SLC45A3: variants seen among roughly 807,000 people sequenced by gnomAD.
The protein encoded by SLC45A3 is solute carrier family 45 member 3, also known as prostate cancer associated protein 2.
SLC45A3 carries 17 observed loss-of-function variants against 35.3 expected under a neutral mutation model. That is an observed-to-expected ratio of 0.48 (90% CI 0.33 to 0.72). The LOEUF (loss-of-function observed/expected upper bound fraction) is 0.72, where lower values mean the gene tolerates loss of function less well. Among genes scored for constraint, SLC45A3 ranks in the 30% least tolerant of loss-of-function variants. The pLI is 0.02. For synonymous variants in SLC45A3, 288 were observed against 334.3 expected (o/e 0.86, Z 1.51); for missense variants, 597 against 731.7 (o/e 0.82, Z 2.12).
chr1:205,674,706 G>C (rs1277235656), intron 1 of SLC45A3, among the ~76,000 whole-genome samples: 1 of 151,558 alleles, frequency 6.6e-6, no homozygotes, highest in Non-Finnish European at 1.5e-5. Flanking sequence ...CAAAGACCCA[G>C]GGTGAAGTAT....
Position 205,664,501 on chromosome 1 carries a change from G to A in SLC45A3, c.156C>T (p.Phe52=), listed in dbSNP as rs757202845. The A allele has an allele frequency of 1.9e-6, 3 of 1,614,058 alleles. No individual in the cohort carries two copies. The highest frequency in any genetic ancestry group is 1.3e-5 in the African/African-American group (1 of 74,938). Reference sequence around the variant, plus strand: ...GTGACTCACCCAGCACCATGGTCATGAACTTCTCCTCTACCCCCACTTCCA... The same window carrying A: ...GTGACTCACCCAGCACCATGGTCATAAACTTCTCCTCTACCCCCACTTCCA... ...LLLEVGVEEK[F]MTMVLGIGPV... Residue 52 remains phenylalanine, a synonymous_variant, in exon 2 of 5, where the codon TTC becomes TTT. Coordinates refer to ENST00000367145, the MANE Select transcript of SLC45A3 (RefSeq NM_033102.3). The surrounding 1 kb of genome is among the most constrained non-coding windows in gnomAD (Gnocchi z 5.3).
In SLC45A3 at chr1:205,666,514, A is replaced by G. The variant is rs953676763; in HGVS notation, c.-230-1628T>C. 1.3e-5 allele frequency among the ~76,000 whole-genome samples: 2 copies of G among 152,302 alleles called. No individual in the cohort carries two copies. Among genetic ancestry groups the G allele is most frequent in the South Asian group, 2.1e-4 (1 of 4,826 alleles). ...AGAGGGAGACACTGCCTAAAAAAACATCAGATGGCTATCAGTCCTGGGTAA... is the reference window on the plus strand; with the variant it reads ...AGAGGGAGACACTGCCTAAAAAAACGTCAGATGGCTATCAGTCCTGGGTAA... On this transcript the variant is annotated intron_variant, in intron 1 of 4. Transcript: ENST00000367145. The surrounding 1 kb of genome is among the most constrained non-coding windows in gnomAD (Gnocchi z 4.1).
chr1:205,679,685 A>AACACACACAC (rs55762304), intron 1 of SLC45A3, among the ~76,000 whole-genome samples: 7,196 of 138,764 alleles, frequency 0.052, 236 homozygotes, highest in East Asian at 0.07. Context: ...GGGACACAGT[A>AACACACACAC]ACACACACAC....
rs2102404633 is a variant in SLC45A3, at chr1:205,664,825, C to A, written c.-169G>T. The A allele has an allele frequency of 2.1e-6, 3 of 1,431,240 alleles. No individual in the cohort carries two copies. The highest frequency in any genetic ancestry group is 1.4e-5 in the African/African-American group (1 of 69,764). The allele number at this position is 1,431,240 out of a possible 1,614,324, so 88.7% of individuals were successfully genotyped here. On this transcript the variant is annotated 5_prime_UTR_variant, in exon 2 of 5. Coordinates refer to ENST00000367145, the MANE Select transcript of SLC45A3 (RefSeq NM_033102.3). This position sits in a 1 kb window ranked among gnomAD's most constrained non-coding sequence, Gnocchi z 5.3. ...CTTTGGTGCCGGTCCAGCTTCTCAG[C>A]CCATGCTCAACACCTGCTGCTGTGG... is the stretch of plus-strand genomic sequence containing the variant.
chr1:205,674,602 CAAAAAAAAAAAAA>C (rs57508315), intron 1 of SLC45A3, among the ~76,000 whole-genome samples: 7 of 95,452 alleles, frequency 7.3e-5, no homozygotes, highest in South Asian at 4.1e-4. Context: ...GATGCTGTTT[CAAAAAAAAAAAAA>C]AAAAAAAAAA....
chr1:205,665,717 A>C (rs1408703814), intron 1 of SLC45A3, among the ~76,000 whole-genome samples: 1 of 152,080 alleles, frequency 6.6e-6, no homozygotes, highest in Non-Finnish European at 1.5e-5. Context: ...CAGAGAAAGG[A>C]ATTTTTCGGT....
intron 1 of SLC45A3, among the ~76,000 whole-genome samples, chr1:205,675,844 C>T (rs1182796932): frequency 1.3e-5 from 2 of 152,166 alleles, no homozygotes; most frequent in African/African-American, 2.4e-5. Flanking sequence ...CAAGTATCCC[C>T]TCTCCCTGCT....
chr1:205,678,391 T>C (rs997949330), intron 1 of SLC45A3, among the ~76,000 whole-genome samples: 20 of 152,114 alleles, frequency 1.3e-4, no homozygotes, highest in African/African-American at 4.8e-4. Flanking sequence ...GTCCAGATGA[T>C]AGTACTTAAA....
At position 205,662,760 on chromosome 1, in the gene SLC45A3, C is replaced by A; in HGVS notation, c.958+73G>T. On this transcript the variant is annotated intron_variant, in intron 3 of 4. Transcript: ENST00000367145. This position sits in a 1 kb window ranked among gnomAD's most constrained non-coding sequence, Gnocchi z 6.2. ...GGGGCCAGGATGGAGAGGCACCAGC[C>A]CAGACACAGCCCCGAGTGTCGTCTC... The A allele has an allele frequency of 6.6e-7, 1 of 1,512,614 alleles. No individual in the cohort carries two copies. Among genetic ancestry groups the A allele is most frequent in the South Asian group, 1.3e-5 (1 of 74,822 alleles). The allele number at this position is 1,512,614 out of a possible 1,614,324, so 93.7% of individuals were successfully genotyped here. A position where few individuals can be genotyped will look rare whatever the true frequency, so the allele number is the denominator to read the frequency against.
intron 1 of SLC45A3, among the ~76,000 whole-genome samples, chr1:205,667,224 G>C (rs913785786): frequency 1.3e-5 from 2 of 152,046 alleles, no homozygotes; most frequent in Non-Finnish European, 2.9e-5. Flanking sequence ...AAATAAAATA[G>C]GCCAGGTACA....
At position 205,663,396 on chromosome 1, in the gene SLC45A3, A is replaced by G; in HGVS notation, c.395T>C (p.Leu132Pro). The change falls in exon 3 of 5, where the codon CTG (leucine) becomes CCG (proline). Residue 132 changes from leucine (L) to proline (P), a missense_variant. This residue lies in a region of SLC45A3 where 555 missense variants were observed against 664.9 expected (regional missense o/e 0.83). Coordinates refer to ENST00000367145, the MANE Select transcript of SLC45A3 (RefSeq NM_033102.3). Reference sequence around the variant, plus strand: ...GAAGCACACCTGGCCACAGAAGTCCAGCAGCCCCACGCCCAGGATGAGCAG... The same window carrying G: ...GAAGCACACCTGGCCACAGAAGTCCGGCAGCCCCACGCCCAGGATGAGCAG... ...LALLILGVGL[L>P]DFCGQVCFTP... The G allele has an allele frequency of 6.2e-7, 1 of 1,613,322 alleles. No individual in the cohort carries two copies. The highest frequency in any genetic ancestry group is 8.5e-7 in the Non-Finnish European group (1 of 1,179,970).
intron 1 of SLC45A3, among the ~76,000 whole-genome samples, chr1:205,672,246 C>A (rs992820386): frequency 2.0e-5 from 3 of 152,086 alleles, no homozygotes; most frequent in African/African-American, 7.2e-5. Flanking sequence ...ACCACACCAG[C>A]GCCTCTTTCA....
intron 1 of SLC45A3, among the ~76,000 whole-genome samples, chr1:205,677,825 T>C (rs1216324012): frequency 6.6e-6 from 1 of 152,368 alleles, no homozygotes; most frequent in East Asian, 1.9e-4. Flanking sequence ...ATATACAATA[T>C]TTAATAAAGC....
rs57508315 is a variant in SLC45A3, at chr1:205,674,602, C to CAA, written c.-231+5790_-231+5791dup. 8.4e-5 allele frequency among the ~76,000 whole-genome samples: 8 copies of CAA among 95,442 alleles called. No homozygotes were observed. In the East Asian group the frequency reaches 1.4e-3, roughly 17 times the overall value. The allele number at this position is 95,442 out of a possible 152,430, so 62.6% of individuals were successfully genotyped here. A position where few individuals can be genotyped will look rare whatever the true frequency, so the allele number is the denominator to read the frequency against. On this transcript the variant is annotated intron_variant, in intron 1 of 4. Transcript: ENST00000367145. ...ATGCCATCCAAAATTGATGCTGTTT[C>CAA]AAAAAAAAAAAAAAAAAAAAAAAAA...
intron 1 of SLC45A3, among the ~76,000 whole-genome samples, chr1:205,674,029 A>G (rs2102409427): frequency 6.6e-6 from 1 of 152,326 alleles, no homozygotes; most frequent in Non-Finnish European, 1.5e-5. Context: ...GGCAAAAGGG[A>G]TAAAATGCAA....
In SLC45A3 at chr1:205,659,701, G is replaced by C; in HGVS notation, c.1225-30C>G. ...GGCAGAGGGGTGAAGAAAAGGGGAA[G>C]AGGACAGGTGTGTACCCAGCACTGG... On this transcript the variant is annotated intron_variant, in intron 4 of 4. Transcript: ENST00000367145. The surrounding 1 kb of genome is among the most constrained non-coding windows in gnomAD (Gnocchi z 5.8). The C allele has an allele frequency of 6.6e-7, 1 of 1,515,254 alleles. No individual in the cohort carries two copies. The highest frequency in any genetic ancestry group is 8.8e-7 in the Non-Finnish European group (1 of 1,132,866). The allele number at this position is 1,515,254 out of a possible 1,614,324, so 93.9% of individuals were successfully genotyped here.
In SLC45A3 at chr1:205,662,818, C is replaced by A. The variant is rs746417276; in HGVS notation, c.958+15G>T. On this transcript the variant is annotated intron_variant, in intron 3 of 4. Transcript: ENST00000367145. This position sits in a 1 kb window ranked among gnomAD's most constrained non-coding sequence, Gnocchi z 6.2. ...CGGCTCCCACACCAGCCTCTGCTGG[C>A]TGCCAAGGCCTTACCTTCATCATAG... 6.4e-7 allele frequency: 1 copy of A among 1,557,044 alleles called. No individual in the cohort carries two copies. Among genetic ancestry groups the A allele is most frequent in the South Asian group, 1.2e-5 (1 of 83,402 alleles).
chr1:205,658,126 A>AC lies in SLC45A3; in HGVS notation c.*1107_*1108insG. 4.4e-6 allele frequency: 1 copy of AC among 225,840 alleles called. No homozygotes were observed. Among genetic ancestry groups the AC allele is most frequent in the Non-Finnish European group, 8.7e-6 (1 of 114,966 alleles). 14.0% of individuals were successfully genotyped at this position (225,840 alleles called of 1,614,324 possible). ...GTGCTTCTGGTCCTGCAGTAGCTCC[A>AC]AACAGGGTTGTGGAGCTGGTGGGGA... is the stretch of plus-strand genomic sequence containing the variant. On this transcript the variant is annotated 3_prime_UTR_variant, in exon 5 of 5. Coordinates refer to ENST00000367145, the MANE Select transcript of SLC45A3 (RefSeq NM_033102.3).
rs1007383998 is a variant in SLC45A3, at chr1:205,662,080, G to A, written c.1005C>T (p.Ser335=). ...SLGLFLQCAI[S]LVFSLVMDRL... ...GGTCCATGACCAGAGAGAAGACCAG[G>A]GAGATGGCGCACTGCAGGAACAGCC... is the stretch of plus-strand genomic sequence containing the variant. Residue 335 remains serine (S), a synonymous_variant, in exon 4 of 5, where the codon TCC becomes TCT. Coordinates refer to ENST00000367145, the MANE Select transcript of SLC45A3 (RefSeq NM_033102.3). The surrounding 1 kb of genome is among the most constrained non-coding windows in gnomAD (Gnocchi z 6.2). The A allele has an allele frequency of 3.7e-6, 6 of 1,613,972 alleles. No individual in the cohort carries two copies. Among genetic ancestry groups the A allele is most frequent in the Non-Finnish European group, 5.1e-6 (6 of 1,180,022 alleles).
Sources: gnomAD v4.1 joint callset for allele counts (sites outside exome capture counted in the v4.1 genomes callset) on GRCh38, gnomAD v4.1.1 for gene constraint, gnomAD v4.1.1 regional missense constraint, Gnocchi (gnomAD v3.1) non-coding constraint, MANE v1.5 for transcripts, NCBI Gene and HGNC (gene_info 2026-07-23, HGNC 2026-07-21) for gene names.